Variants in RAD54L2 observed in about 807,000 individuals in gnomAD.
The protein encoded by RAD54L2 is RAD54 like 2, also known as helicase ARIP4.
Under a neutral mutation model 138.4 loss-of-function variants are expected in RAD54L2, and 27 were observed. That is an observed-to-expected ratio of 0.20 (90% CI 0.14 to 0.27). The LOEUF (loss-of-function observed/expected upper bound fraction) is 0.27, where lower values mean the gene tolerates loss of function less well. RAD54L2 is among the 10% of genes least tolerant of loss of function. The pLI, the probability that RAD54L2 is intolerant of heterozygous loss-of-function variation, is 1.00. For missense variants in RAD54L2, 1,396 were observed against 1,890.2 expected (o/e 0.74, Z 4.85); for synonymous variants, 644 against 723.2 (o/e 0.89, Z 1.76).
At position 51,666,641 on chromosome 3, in the gene RAD54L2, A is replaced by G. The variant is rs1701918276; in HGVS notation, c.*3221A>G. On this transcript the variant is annotated 3_prime_UTR_variant, in exon 23 of 23. Coordinates refer to ENST00000684192, the MANE Select transcript of RAD54L2 (RefSeq NM_015106.4). ...TGTAGATAAAAATTGAACAGGGACA[A>G]AGTAGCTATTTAAGAAAGGAAGTGA... The G allele has an allele frequency of 6.6e-6, 1 of 152,196 alleles. No individual in the cohort carries two copies. Among genetic ancestry groups the G allele is most frequent in the African/African-American group, 2.4e-5 (1 of 41,442 alleles). 9.4% of individuals were successfully genotyped at this position (152,196 alleles called of 1,614,324 possible). A position where few individuals can be genotyped will look rare whatever the true frequency, so the allele number is the denominator to read the frequency against.
intron 19 of RAD54L2, among the ~76,000 whole-genome samples, chr3:51,654,019 A>C (rs1701528012): frequency 6.6e-6 from 1 of 152,188 alleles, no homozygotes; most frequent in Non-Finnish European, 1.5e-5. Context: ...GTAAGGTTTT[A>C]GGTAAGACAT....
rs1225518997 is a variant in RAD54L2 at position 51,662,411 on chromosome 3, A to G, written c.3410-15A>G. 15 of 1,501,690 alleles carry G rather than the reference A, an allele frequency of 1.0e-5. No homozygotes were observed. The highest frequency in any genetic ancestry group is 4.7e-5 in the East Asian group (2 of 42,660). The allele number at this position is 1,501,690 out of a possible 1,614,324, so 93.0% of individuals were successfully genotyped here. On this transcript the variant is annotated splice_polypyrimidine_tract_variant and intron_variant, in intron 22 of 22. Transcript: ENST00000684192. The surrounding 1 kb of genome is among the most constrained non-coding windows in gnomAD (Gnocchi z 4.6). ...TGGCCACTCTGATTCTCAGTTAACT[A>G]CATTTTGTCCCCAGGTTCCCAGGGA...
chr3:51,579,625 A>C (rs903777766), intron 2 of RAD54L2, among the ~76,000 whole-genome samples: 2 of 152,170 alleles, frequency 1.3e-5, no homozygotes, highest in Non-Finnish European at 2.9e-5. Context: ...ACGTATTTCC[A>C]TTTACGAACC....
chr3:51,563,089 C>T (rs1699135060), intron 2 of RAD54L2, among the ~76,000 whole-genome samples: 1 of 152,072 alleles, frequency 6.6e-6, no homozygotes, highest in Admixed American at 6.6e-5. Flanking sequence ...TCGTGTGTAT[C>T]TTTGTGTCTC....
In RAD54L2 at chr3:51,637,280, C is replaced by T. The variant is rs1701006028; in HGVS notation, c.1459C>T (p.Arg487Trp). The T allele has an allele frequency of 1.9e-6, 3 of 1,610,638 alleles. No individual in the cohort carries two copies. Among genetic ancestry groups the T allele is most frequent in the South Asian group, 1.1e-5 (1 of 90,292 alleles). The change falls in exon 11 of 23, where the codon CGG becomes TGG. Residue 487 changes from arginine (R) to tryptophan (W), a missense_variant. Around this residue, in one of 7 missense-constraint regions of RAD54L2, gnomAD observed 169 missense variants for 235.6 expected, o/e 0.72. Coordinates refer to ENST00000684192, the MANE Select transcript of RAD54L2 (RefSeq NM_015106.4). This position sits in a 1 kb window ranked among gnomAD's most constrained non-coding sequence, Gnocchi z 5.9. Reference protein sequence around the residue: ...QALKNIRSRRRVVLTGYPLQN... With the variant: ...QALKNIRSRRWVVLTGYPLQN... ...TCTGAAGAATATCCGCTCTCGCCGC[C>T]GGGTGGTGCTGACTGGGTACCCTCT...
At chr3:51,554,311 G>A (rs1698912648) in intron 2 of RAD54L2, among the ~76,000 whole-genome samples, 1 of 151,078 alleles carries the variant, frequency 6.6e-6, no homozygotes, top group African/African-American at 2.4e-5. Flanking sequence ...AGGTTGCAGT[G>A]AGCTGAGATC....
rs1299968365 is a variant in RAD54L2, at chr3:51,662,229, G to A, written c.3410-197G>A. On this transcript the variant is annotated intron_variant, in intron 22 of 22. Coordinates refer to ENST00000684192, the MANE Select transcript of RAD54L2 (RefSeq NM_015106.4). This position sits in a 1 kb window ranked among gnomAD's most constrained non-coding sequence, Gnocchi z 4.6. ...GGGGTGCAGAAAAGTTACATGCCTT[G>A]TCATAGATAGACCTATTTCTGGGAT... Among the ~76,000 whole-genome samples the A allele has an allele frequency of 6.6e-6, 1 of 152,124 alleles. No homozygotes were observed.
chr3:51,545,725 A>G (rs902953873), intron 2 of RAD54L2, among the ~76,000 whole-genome samples: 43 of 151,946 alleles, frequency 2.8e-4, no homozygotes, highest in Middle Eastern at 3.4e-3. Flanking sequence ...GAGTACAGGC[A>G]TGCATGACCT....
intron 3 of RAD54L2, among the ~76,000 whole-genome samples, chr3:51,602,058 C>G (rs1054608450): frequency 2.0e-5 from 3 of 151,898 alleles, no homozygotes; most frequent in Non-Finnish European, 4.4e-5. Flanking sequence ...TCTTGAACTC[C>G]TGACCTCAAG....
intron 2 of RAD54L2, among the ~76,000 whole-genome samples, chr3:51,580,081 C>T (rs1699573212): frequency 1.3e-5 from 2 of 152,064 alleles, no homozygotes; most frequent in Non-Finnish European, 2.9e-5. Flanking sequence ...GCTAAGGGCT[C>T]GGTATTGCAA....
rs1255441580 is a variant in RAD54L2 at position 51,579,056 on chromosome 3, T to C, written c.-54-11311T>C. On this transcript the variant is annotated intron_variant, in intron 2 of 22. Coordinates refer to ENST00000684192, the MANE Select transcript of RAD54L2 (RefSeq NM_015106.4). ...CCCTGGCCGGACTCCTCTCCGAAGCTACACCATCAAGCTGTCCCTCTGAAG... is the reference window on the plus strand; with the variant it reads ...CCCTGGCCGGACTCCTCTCCGAAGCCACACCATCAAGCTGTCCCTCTGAAG... Among the ~76,000 whole-genome samples the C allele has an allele frequency of 4.6e-5, 7 of 152,216 alleles. No individual in the cohort carries two copies. In the East Asian group the frequency reaches 1.4e-3, roughly 29 times the overall value.
rs754168484 is a variant in RAD54L2, at chr3:51,641,796, G to A, written c.2279G>A (p.Arg760Gln). The A allele has an allele frequency of 3.6e-5, 58 of 1,600,922 alleles. No homozygotes were observed. Among genetic ancestry groups the A allele is most frequent in the Non-Finnish European group, 4.6e-5 (54 of 1,173,628 alleles). The change falls in exon 15 of 23, where the codon CGA (arginine) becomes CAA (glutamine). Residue 760 changes from arginine (R) to glutamine (Q), a missense_variant. This residue lies in a region of RAD54L2 where 211 missense variants were observed against 273.8 expected (regional missense o/e 0.77). Transcript: ENST00000684192. ...CTCATCGAGGAATTCCTTGGAAAAC[G>A]AGAAGTACCCTGTCCACCTGGTACC... Reference protein sequence around the residue: ...LALIEEFLGKREVPCPPGTEG... With the variant: ...LALIEEFLGKQEVPCPPGTEG...
rs1183418408 is a variant in RAD54L2, at chr3:51,664,163, G to A, written c.*743G>A. The A allele has an allele frequency of 2.6e-5, 4 of 152,184 alleles. No individual in the cohort carries two copies. Among genetic ancestry groups the A allele is most frequent in the Non-Finnish European group, 5.9e-5 (4 of 68,040 alleles). 9.4% of individuals were successfully genotyped at this position (152,184 alleles called of 1,614,324 possible). On this transcript the variant is annotated 3_prime_UTR_variant, in exon 23 of 23. Coordinates refer to ENST00000684192, the MANE Select transcript of RAD54L2 (RefSeq NM_015106.4). Reference sequence around the variant, plus strand: ...AAATAACAAGTTTCCTTCGGGATGGGTGAAGAGAAGGCCCAGCTAACTCAA... The same window carrying A: ...AAATAACAAGTTTCCTTCGGGATGGATGAAGAGAAGGCCCAGCTAACTCAA...
At chr3:51,545,688 T>C (rs1415256060) in intron 2 of RAD54L2, among the ~76,000 whole-genome samples, 3 of 152,028 alleles carry the variant, frequency 2.0e-5, no homozygotes, top group African/African-American at 7.2e-5. Context: ...CGAGCAATCC[T>C]TTCACCTCAG....
chr3:51,629,605 T>C lies in RAD54L2; in HGVS notation c.481+132T>C, dbSNP rs1024676197. 4.2e-6 allele frequency: 5 copies of C among 1,180,470 alleles called. No individual in the cohort carries two copies. In the South Asian group the frequency reaches 8.2e-5, roughly 19 times the overall value. 73.1% of individuals were successfully genotyped at this position (1,180,470 alleles called of 1,614,324 possible). A position where few individuals can be genotyped will look rare whatever the true frequency, so the allele number is the denominator to read the frequency against. On this transcript the variant is annotated intron_variant, in intron 5 of 22. Coordinates refer to ENST00000684192, the MANE Select transcript of RAD54L2 (RefSeq NM_015106.4). Reference sequence around the variant, plus strand: ...TGGGCGCGGTGGCTCACGCCTGTAATCCCAGCATTATGGGAGGCTGAGGCA... The same window carrying C: ...TGGGCGCGGTGGCTCACGCCTGTAACCCCAGCATTATGGGAGGCTGAGGCA...
intron 3 of RAD54L2, among the ~76,000 whole-genome samples, chr3:51,595,155 C>T (rs954712015): frequency 5.9e-5 from 9 of 152,196 alleles, no homozygotes; most frequent in East Asian, 1.9e-4. Context: ...CATGAGCCAC[C>T]GTGCCTGGCC....
chr3:51,589,683 T>TACACACAC (rs34544597), intron 2 of RAD54L2, among the ~76,000 whole-genome samples: 26 of 144,772 alleles, frequency 1.8e-4, no homozygotes, highest in African/African-American at 6.6e-4. Flanking sequence ...TATATATATA[T>TACACACAC]ACACACACAC....
chr3:51,640,646 G>T (rs1156343171), intron 14 of RAD54L2, among the ~76,000 whole-genome samples: 1 of 152,222 alleles, frequency 6.6e-6, no homozygotes, highest in African/African-American at 2.4e-5. Flanking sequence ...GACACACTTT[G>T]AGAGGACAGC....
intron 19 of RAD54L2, among the ~76,000 whole-genome samples, chr3:51,648,879 C>G (rs1005231905): frequency 6.6e-6 from 1 of 152,100 alleles, no homozygotes; most frequent in Non-Finnish European, 1.5e-5. Flanking sequence ...ATTCTAAAAA[C>G]CAGAGCACCT....
Sources: gnomAD v4.1 joint callset for allele counts (sites outside exome capture counted in the v4.1 genomes callset) on GRCh38, gnomAD v4.1.1 for gene constraint, gnomAD v4.1.1 regional missense constraint, Gnocchi (gnomAD v3.1) non-coding constraint, MANE v1.5 for transcripts, NCBI Gene and HGNC (gene_info 2026-07-23, HGNC 2026-07-21) for gene names.